The following NAA25 variants were observed in gnomAD, a reference collection of about 807,000 sequenced individuals.
NAA25 encodes N-alpha-acetyltransferase 25, NatB auxiliary subunit.
Under a neutral mutation model 132.5 loss-of-function variants are expected in NAA25, and 30 were observed. That is an observed-to-expected ratio of 0.23 (90% confidence interval 0.17 to 0.31). NAA25 has a LOEUF of 0.31. Ranked by LOEUF, NAA25 falls within the 10% of genes least tolerant of loss-of-function variation. The pLI, the probability that NAA25 is intolerant of heterozygous loss-of-function variation, is 1.00. For synonymous variants in NAA25, 359 were observed against 401.9 expected, an observed-to-expected ratio of 0.89 and a Z score of 1.28; for missense variants, 771 against 1,150.4, an observed-to-expected ratio of 0.67 and a Z score of 4.77.
At chr12:112,103,663 A>C (rs987788024) in intron 1 of NAA25, among the ~76,000 whole-genome samples, 1 of 152,168 alleles carries the variant, frequency 6.6e-6, no homozygotes, top group Admixed American at 6.5e-5. Context: ...CAGAATAAAT[A>C]CCACTTTTGA....
intron 19 of NAA25, chr12:112,042,429 G>T (rs1179253530): frequency 3.8e-5 from 6 of 156,978 alleles, no homozygotes; most frequent in Non-Finnish European, 8.4e-5. Flanking sequence ...AAAGGAAAAG[G>T]TCTATGGAGT....
At chr12:112,043,393 C>A (rs1388916419) in intron 18 of NAA25, among the ~76,000 whole-genome samples, 182 bp from the exon 19 acceptor site, 1 of 152,136 alleles carries the variant, frequency 6.6e-6, no homozygotes, top group Non-Finnish European at 1.5e-5. Flanking sequence ...TTGTTGCTAG[C>A]TATTAAAAAC....
At chr12:112,081,204 G>A (rs2078969626) in intron 4 of NAA25, 70 bp from the exon 5 acceptor site, 19 of 1,301,040 alleles carry the variant, frequency 1.5e-5, no homozygotes, top group African/African-American at 7.5e-5. Flanking sequence ...CTAGATACAC[G>A]ACAAAAAGTT....
intron 14 of NAA25, among the ~76,000 whole-genome samples, 172 bp downstream of exon 14, chr12:112,054,216 C>T (rs1207494224): frequency 6.6e-6 from 1 of 152,066 alleles, no homozygotes; most frequent in East Asian, 1.9e-4. Flanking sequence ...TTCAAATTAC[C>T]ACAAAATGCT....
In NAA25 at chr12:112,041,312, C is replaced by A. The variant is rs376628453; in HGVS notation, c.2440+727G>T. 5.9e-5 allele frequency among the ~76,000 whole-genome samples: 9 copies of A among 151,998 alleles called. 2 individuals carry two copies. In the South Asian group the frequency reaches 1.9e-3, roughly 32 times the overall value. ...ATGCCATTCTCCTGCCTCAGCCTCC[C>A]GAGTAGCTGGGACTACAGGAGCCCG... On this transcript the variant is annotated intron_variant, in intron 20 of 23. Coordinates refer to ENST00000261745, the MANE Select transcript of NAA25 (RefSeq NM_024953.4).
chr12:112,094,628 G>C (rs1308085697), intron 1 of NAA25, among the ~76,000 whole-genome samples: 1 of 152,078 alleles, frequency 6.6e-6, no homozygotes, highest in Non-Finnish European at 1.5e-5. Context: ...TTCAATAATA[G>C]CAGGAGTAGG....
At chr12:112,043,236 G>A (rs2078328089) in intron 18 of NAA25, 25 bp from the exon 19 acceptor site, 1 of 1,563,466 alleles carries the variant, frequency 6.4e-7, no homozygotes, top group Non-Finnish European at 8.7e-7. Flanking sequence ...GAAAAATAAT[G>A]CTCTTTTAAA....
At chr12:112,107,381 GT>G (rs572332388) in intron 1 of NAA25, among the ~76,000 whole-genome samples, 56 of 145,582 alleles carry the variant, frequency 3.8e-4, no homozygotes, top group South Asian at 8.6e-4. Context: ...TTCCTCATCT[GT>G]TTTTTTTTTT....
chr12:112,065,203 A>C (rs906597152), intron 11 of NAA25, among the ~76,000 whole-genome samples: 7 of 150,744 alleles, frequency 4.6e-5, no homozygotes, highest in Non-Finnish European at 7.4e-5. Flanking sequence ...ACTACTAAAA[A>C]TACAAAAATT....
intron 13 of NAA25, among the ~76,000 whole-genome samples, chr12:112,058,133 C>T (rs1015325479): frequency 6.6e-6 from 1 of 151,506 alleles, no homozygotes; most frequent in Non-Finnish European, 1.5e-5. Flanking sequence ...GGCAATAGAG[C>T]GAGACTCCAT....
intron 1 of NAA25, among the ~76,000 whole-genome samples, chr12:112,095,959 TA>T (rs1250423527): frequency 6.6e-6 from 1 of 152,156 alleles, no homozygotes; most frequent in African/African-American, 2.4e-5. Context: ...GAATGAAGCC[TA>T]AACTATTTAC....
intron 23 of NAA25, 57 bp from the exon 24 acceptor site, chr12:112,029,710 C>T: frequency 6.3e-7 from 1 of 1,578,614 alleles, no homozygotes; most frequent in Non-Finnish European, 8.6e-7. Flanking sequence ...CCCCCAGATT[C>T]TAGTTCTCAG....
chr12:112,064,560 T>C (rs964304887), intron 11 of NAA25, among the ~76,000 whole-genome samples: 1 of 152,214 alleles, frequency 6.6e-6, no homozygotes, highest in African/African-American at 2.4e-5. Flanking sequence ...AATGCTTCTA[T>C]AGTTTCTACT....
At chr12:112,085,618 C>T (rs2079034977) in intron 4 of NAA25, among the ~76,000 whole-genome samples, 1 of 151,924 alleles carries the variant, frequency 6.6e-6, no homozygotes, top group Non-Finnish European at 1.5e-5. Flanking sequence ...TTACTCTATC[C>T]TTATGAATGA....
intron 13 of NAA25, among the ~76,000 whole-genome samples, chr12:112,056,360 TA>T (rs1350851916): frequency 2.0e-5 from 3 of 150,918 alleles, no homozygotes; most frequent in Non-Finnish European, 4.4e-5. Context: ...TAATAATAAA[TA>T]AAAAATTTAA....
chr12:112,107,979 G>A (rs964286760), intron 1 of NAA25, among the ~76,000 whole-genome samples: 3 of 152,148 alleles, frequency 2.0e-5, no homozygotes, highest in African/African-American at 4.8e-5. Context: ...CTTAGCACAG[G>A]GAAGGAAAGC....
rs115246644 is a variant in NAA25 at position 112,060,191 on chromosome 12, A to G, written c.1447+79T>C. ...ATAAATAAAATTTGTGGATTGTAAA[A>G]TTAGTCTAATGAAAGAATGCAGTAC... On this transcript the variant is annotated intron_variant, in intron 13 of 23. Transcript: ENST00000261745. 78 of 913,892 alleles carry G rather than the reference A, an allele frequency of 8.5e-5. No individual in the cohort carries two copies. In the African/African-American group the frequency reaches 1.3e-3, roughly 15 times the overall value. 56.6% of individuals were successfully genotyped at this position (913,892 alleles called of 1,614,324 possible). A position where few individuals can be genotyped will look rare whatever the true frequency, so the allele number is the denominator to read the frequency against.
chr12:112,088,871 C>A (rs2079092271), intron 3 of NAA25, among the ~76,000 whole-genome samples: 1 of 152,150 alleles, frequency 6.6e-6, no homozygotes, highest in Admixed American at 6.5e-5. Context: ...CCACCCACCT[C>A]AGCCTCCCAA....
intron 17 of NAA25, among the ~76,000 whole-genome samples, chr12:112,046,034 G>A (rs1421311618): frequency 2.0e-5 from 3 of 152,180 alleles, no homozygotes; most frequent in East Asian, 1.9e-4. Context: ...CGTTAGAAAG[G>A]CCTACTTGCA....
Sources: allele counts gnomAD v4.1 joint callset (sites outside exome capture counted in the v4.1 genomes callset), GRCh38; gene constraint gnomAD v4.1.1; transcripts MANE v1.5; gene names NCBI Gene and HGNC (gene_info 2026-07-23, HGNC 2026-07-21).